Variants in NELL2 observed in about 807,000 individuals in gnomAD.
The protein encoded by NELL2 is protein kinase C-binding protein NELL2.
Under a neutral mutation model 109.6 loss-of-function variants are expected in NELL2, and 41 were observed. The ratio of observed to expected loss-of-function variants is 0.37; its 90% confidence interval spans 0.29 to 0.49. The LOEUF (loss-of-function observed/expected upper bound fraction) is 0.49. NELL2 is among the 20% of genes least tolerant of loss of function. NELL2 has a pLI of 0.98. For synonymous variants in NELL2, 355 were observed against 344.7 expected (o/e 1.03, Z -0.33); for missense variants, 900 against 1,008.3 (o/e 0.89, Z 1.45).
intron 16 of NELL2, among the ~76,000 whole-genome samples, chr12:44,526,250 A>G (rs1469462661): frequency 2.6e-5 from 4 of 152,192 alleles, no homozygotes; most frequent in Non-Finnish European, 4.4e-5. Flanking sequence ...AGACCAGTTA[A>G]TAACTGTTTC....
At chr12:44,689,829 C>T (rs1322286923) in intron 12 of NELL2, among the ~76,000 whole-genome samples, 2 of 152,092 alleles carry the variant, frequency 1.3e-5, no homozygotes, top group African/African-American at 4.8e-5. Context: ...CTACAATGCA[C>T]AGGACAGCCC....
chr12:44,794,656 C>G (rs962404267), intron 3 of NELL2, among the ~76,000 whole-genome samples: 36 of 152,198 alleles, frequency 2.4e-4, no homozygotes, highest in African/African-American at 8.7e-4. Flanking sequence ...CTCCCCAGAT[C>G]ACCTTTCAAC....
Position 44,508,815 on chromosome 12 carries a change from G to T in NELL2, c.*119C>A. On this transcript the variant is annotated 3_prime_UTR_variant, in exon 20 of 20. Transcript: ENST00000429094. ...AATTTCATAATTGAAAGTTCACTCA[G>T]CTATTAACAAAGCTGCATTTAGCTG... The T allele has an allele frequency of 2.5e-6, 2 of 799,868 alleles. No homozygotes were observed. Among genetic ancestry groups the T allele is most frequent in the Non-Finnish European group, 4.1e-6 (2 of 487,152 alleles). The allele number at this position is 799,868 out of a possible 1,614,324, so 49.5% of individuals were successfully genotyped here.
At chr12:44,747,745 T>A (rs942701600) in intron 9 of NELL2, among the ~76,000 whole-genome samples, 5 of 152,176 alleles carry the variant, frequency 3.3e-5, no homozygotes, top group African/African-American at 1.2e-4. Context: ...ACCCATGTGC[T>A]GTTGCCATGA....
At chr12:44,817,532 G>C (rs1323388569) in intron 2 of NELL2, among the ~76,000 whole-genome samples, 1 of 152,086 alleles carries the variant, frequency 6.6e-6, no homozygotes, top group Non-Finnish European at 1.5e-5. Context: ...TGAAGGGAAG[G>C]CTCAATAAGT....
chr12:44,514,700 G>T (rs1228711756), intron 19 of NELL2, among the ~76,000 whole-genome samples: 1 of 151,262 alleles, frequency 6.6e-6, no homozygotes, highest in Non-Finnish European at 1.5e-5. Flanking sequence ...GGAAAAAGGA[G>T]CTATTACTAT....
At chr12:44,549,030 G>A (rs1942919551) in intron 15 of NELL2, among the ~76,000 whole-genome samples, 1 of 152,134 alleles carries the variant, frequency 6.6e-6, no homozygotes, top group Non-Finnish European at 1.5e-5. Context: ...CTAGGAAAGT[G>A]AAACTTATTA....
intron 9 of NELL2, among the ~76,000 whole-genome samples, chr12:44,757,060 A>C (rs1940921908): frequency 6.6e-6 from 1 of 152,206 alleles, no homozygotes; most frequent in African/African-American, 2.4e-5. Context: ...CTACTTCAAT[A>C]AATAGTATAA....
At chr12:44,517,707 A>C (rs1941340124) in intron 19 of NELL2, among the ~76,000 whole-genome samples, 1 of 152,168 alleles carries the variant, frequency 6.6e-6, no homozygotes, top group Non-Finnish European at 1.5e-5. Context: ...AAATAGCCAC[A>C]TGTGGCTACT....
chr12:44,534,290 C>A (rs543085423), intron 15 of NELL2, among the ~76,000 whole-genome samples: 1 of 152,144 alleles, frequency 6.6e-6, no homozygotes, highest in Admixed American at 6.5e-5. Context: ...AAATAGTATG[C>A]AAAGCATCCT....
chr12:44,669,536 G>C (rs1415463388), intron 12 of NELL2, among the ~76,000 whole-genome samples: 1 of 152,014 alleles, frequency 6.6e-6, no homozygotes, highest in African/African-American at 2.4e-5. Flanking sequence ...AAATTCAACA[G>C]AGATAGATGC....
intron 2 of NELL2, among the ~76,000 whole-genome samples, chr12:44,864,923 T>G (rs1243743589): frequency 1.3e-5 from 2 of 150,224 alleles, no homozygotes; most frequent in Non-Finnish European, 3.0e-5. Flanking sequence ...TTTCTAGTTC[T>G]AGATCCCTGA....
intron 12 of NELL2, among the ~76,000 whole-genome samples, chr12:44,684,161 C>T (rs1216222850): frequency 2.6e-5 from 4 of 152,148 alleles, no homozygotes; most frequent in Non-Finnish European, 5.9e-5. Context: ...CTGCATGTGT[C>T]GAGGAATTTA....
chr12:44,870,973 T>C (rs1373819152), intron 2 of NELL2, among the ~76,000 whole-genome samples: 2 of 152,188 alleles, frequency 1.3e-5, no homozygotes, highest in African/African-American at 4.8e-5. Flanking sequence ...TCTATTAGTA[T>C]AGCCTACCAT....
chr12:44,629,421 T>C (rs1946373735), intron 13 of NELL2, among the ~76,000 whole-genome samples: 1 of 152,164 alleles, frequency 6.6e-6, no homozygotes, highest in African/African-American at 2.4e-5. Flanking sequence ...AAAGAAACAT[T>C]GTGTTTAGGA....
chr12:44,886,051 C>G (rs1002327340), intron 1 of NELL2, among the ~76,000 whole-genome samples: 1 of 141,390 alleles, frequency 7.1e-6, no homozygotes, highest in East Asian at 2.1e-4. Context: ...ATCTTTTGAA[C>G]AATGATGCCA....
At chr12:44,560,453 A>G (rs1388638877) in intron 15 of NELL2, among the ~76,000 whole-genome samples, 1 of 152,136 alleles carries the variant, frequency 6.6e-6, no homozygotes, top group Non-Finnish European at 1.5e-5. Flanking sequence ...AGAAGAAAAG[A>G]GAGAAGAGTC....
At chr12:44,708,072 G>A (rs1256791975) in intron 11 of NELL2, among the ~76,000 whole-genome samples, 1 of 152,240 alleles carries the variant, frequency 6.6e-6, no homozygotes, top group African/African-American at 2.4e-5. Flanking sequence ...AGGAGGAGAA[G>A]AACCAGAAGG....
At chr12:44,597,275 T>A (rs1318912132) in intron 15 of NELL2, among the ~76,000 whole-genome samples, 3 of 152,126 alleles carry the variant, frequency 2.0e-5, no homozygotes, top group South Asian at 2.1e-4. Context: ...TCTTATTTTT[T>A]AAAAAAATAT....
Sources: gnomAD v4.1 joint callset for allele counts (sites outside exome capture counted in the v4.1 genomes callset) on GRCh38, gnomAD v4.1.1 for gene constraint, MANE v1.5 for transcripts, NCBI Gene and HGNC (gene_info 2026-07-23, HGNC 2026-07-21) for gene names.